The following MTREX variants were observed in gnomAD, a reference collection of about 807,000 sequenced individuals.
MTREX encodes the protein Mtr4 exosome RNA helicase, also known as exosome RNA helicase MTR4.
Under a neutral mutation model 135.4 loss-of-function variants are expected in MTREX, and 76 were observed. That is an observed-to-expected ratio of 0.56 (90% CI 0.47 to 0.68). The LOEUF is 0.68. Ranked by LOEUF, MTREX falls within the 30% of genes least tolerant of loss-of-function variation. The pLI is 0.00. For missense variants in MTREX, 920 were observed against 1,262.1 expected (o/e 0.73, Z 4.11); for synonymous variants, 404 against 401.6 (o/e 1.01, Z -0.07).
At position 55,328,718 on chromosome 5, in the gene MTREX, A is replaced by T; in HGVS notation, c.422A>T (p.Asp141Val). The change falls in exon 5 of 27, where the codon GAT becomes GTT. Residue 141 changes from aspartate (D) to valine (V), a missense_variant. This residue lies in a region of MTREX where 82 missense variants were observed against 107.4 expected (regional missense o/e 0.76). Transcript: ENST00000230640. ...KAAKEYPFILDAFQREAIQCV... is the reference protein window; with the variant it reads ...KAAKEYPFILVAFQREAIQCV... ...TTATAGGAATACCCGTTCATTCTTG[A>T]TGCTTTTCAAAGAGAGGCCATTCAG... 6.2e-7 allele frequency: 1 copy of T among 1,611,916 alleles called. No individual in the cohort carries two copies. Among genetic ancestry groups the T allele is most frequent in the Non-Finnish European group, 8.5e-7 (1 of 1,178,210 alleles).
chr5:55,325,182 G>A (rs1048085113), intron 3 of MTREX, among the ~76,000 whole-genome samples: 1 of 151,446 alleles, frequency 6.6e-6, no homozygotes, highest in African/African-American at 2.4e-5. Flanking sequence ...AATAAGCAGA[G>A]TAATCCAAAT....
At chr5:55,351,115 T>C (rs1579863728) in intron 13 of MTREX, 86 bp downstream of exon 13, 2 of 1,392,198 alleles carry the variant, frequency 1.4e-6, no homozygotes, top group Non-Finnish European at 1.9e-6. Context: ...ATAGGCAATA[T>C]GTGTGTTTTT....
At chr5:55,311,303 A>C (rs1458984443) in intron 1 of MTREX, among the ~76,000 whole-genome samples, 2 of 152,094 alleles carry the variant, frequency 1.3e-5, no homozygotes, top group Non-Finnish European at 2.9e-5. Context: ...TAATTCCTTA[A>C]TATCGTTAAA....
intron 19 of MTREX, among the ~76,000 whole-genome samples, chr5:55,395,729 G>T (rs1561207531): frequency 6.6e-6 from 1 of 152,118 alleles, no homozygotes. Flanking sequence ...ACCAAAAATG[G>T]ATAATCTGAA....
chr5:55,410,743 A>G (rs532271638), intron 23 of MTREX, 114 bp downstream of exon 23: 68 of 504,132 alleles, frequency 1.3e-4, no homozygotes, highest in African/African-American at 1.1e-3. Flanking sequence ...AGGTAATGTT[A>G]ATTGGAAATC....
intron 18 of MTREX, among the ~76,000 whole-genome samples, chr5:55,380,506 T>C (rs911817437): frequency 6.6e-6 from 1 of 152,248 alleles, no homozygotes; most frequent in Non-Finnish European, 1.5e-5. Flanking sequence ...CAAATATTTC[T>C]TATGTGCCTA....
chr5:55,372,229 G>A (rs999800286), intron 16 of MTREX, among the ~76,000 whole-genome samples: 38 of 152,082 alleles, frequency 2.5e-4, no homozygotes, highest in Middle Eastern at 3.4e-3. Context: ...AATGTTTACT[G>A]CCATAATGCG....
intron 18 of MTREX, among the ~76,000 whole-genome samples, chr5:55,380,277 C>A (rs558807195): frequency 6.6e-6 from 1 of 152,238 alleles, no homozygotes; most frequent in Non-Finnish European, 1.5e-5. Context: ...AGATGATACA[C>A]ACTCTACAAT....
At chr5:55,417,012 C>T (rs1416065701) in intron 25 of MTREX, among the ~76,000 whole-genome samples, 1 of 152,094 alleles carries the variant, frequency 6.6e-6, no homozygotes, top group Non-Finnish European at 1.5e-5. Flanking sequence ...GGTTAAACTT[C>T]TCTGCAACAG....
Position 55,425,177 on chromosome 5 carries a change from C to A in MTREX, c.*405C>A. 6.3e-7 allele frequency: 1 copy of A among 1,596,622 alleles called. No individual in the cohort carries two copies. Among genetic ancestry groups the A allele is most frequent in the South Asian group, 1.1e-5 (1 of 88,504 alleles). ...CAATCATTTTCCTTTAGAAAACAGG[C>A]CAGCTTCACCTGGGCACCCTGCTGC... On this transcript the variant is annotated 3_prime_UTR_variant, in exon 27 of 27. Transcript: ENST00000230640.
chr5:55,376,774 C>T (rs1750307677), intron 16 of MTREX, among the ~76,000 whole-genome samples: 1 of 152,088 alleles, frequency 6.6e-6, no homozygotes, highest in Admixed American at 6.5e-5. Context: ...TATTTAAAAA[C>T]TATAGATTTT....
chr5:55,422,849 T>C (rs937608685), intron 25 of MTREX, 29 bp from the exon 26 acceptor site: 4 of 1,571,716 alleles, frequency 2.5e-6, no homozygotes, highest in Non-Finnish European at 3.5e-6. Flanking sequence ...ATTTCCATTT[T>C]ACCAGTGTTT....
chr5:55,322,465 G>A lies in MTREX; in HGVS notation c.272+1G>A. ...AAGAGTCAATAACTGAAGACTTAAG[G>A]TAATATTTCCAAAGTCCTAAATGTT... On this transcript the variant is annotated splice_donor_variant, in intron 2 of 26. Coordinates refer to ENST00000230640, the MANE Select transcript of MTREX (RefSeq NM_015360.5). LOFTEE classifies it high-confidence loss of function. 1 of 1,569,752 alleles carries A rather than the reference G, an allele frequency of 6.4e-7. No homozygotes were observed. The highest frequency in any genetic ancestry group is 8.6e-7 in the Non-Finnish European group (1 of 1,163,414).
Position 55,397,422 on chromosome 5 carries a change from C to G in MTREX, c.2188C>G (p.Pro730Ala). ...TATAACTTTTTGGTCATAGGTTGTC[C>G]CAGTTTTGGTGCATCTCCTGTCTGC... is the stretch of plus-strand genomic sequence containing the variant. ...PDEKGEMQVV[P>A]VLVHLLSAIS... Residue 730 changes from proline (P) to alanine (A), a missense_variant, in exon 20 of 27, where the codon CCA becomes GCA. Coordinates refer to ENST00000230640, the MANE Select transcript of MTREX (RefSeq NM_015360.5). The G allele has an allele frequency of 2.5e-6, 4 of 1,604,716 alleles. No individual in the cohort carries two copies. Among genetic ancestry groups the G allele is most frequent in the East Asian group, 2.2e-5 (1 of 44,692 alleles).
intron 8 of MTREX, 105 bp downstream of exon 8, chr5:55,343,560 A>G: frequency 1.0e-6 from 1 of 986,228 alleles, no homozygotes; most frequent in Non-Finnish European, 1.5e-6. Context: ...AGAATAATAA[A>G]AAAAACATTT....
intron 1 of MTREX, among the ~76,000 whole-genome samples, chr5:55,319,100 T>G (rs902683123): frequency 6.6e-6 from 1 of 152,188 alleles, no homozygotes; most frequent in African/African-American, 2.4e-5. Context: ...CTGAACTGTT[T>G]AGAGTAAGTT....
At chr5:55,419,118 T>C (rs761050159) in intron 25 of MTREX, among the ~76,000 whole-genome samples, 1 of 152,198 alleles carries the variant, frequency 6.6e-6, no homozygotes, top group Admixed American at 6.5e-5. Flanking sequence ...GTGTTGAGAT[T>C]ACAGGCATGA....
chr5:55,334,760 A>G (rs1749528939), intron 5 of MTREX, among the ~76,000 whole-genome samples: 2 of 152,088 alleles, frequency 1.3e-5, no homozygotes, highest in Non-Finnish European at 2.9e-5. Context: ...AGCCACAGGC[A>G]AACACTGATC....
chr5:55,409,895 C>G (rs531536406), intron 22 of MTREX, among the ~76,000 whole-genome samples: 1 of 152,192 alleles, frequency 6.6e-6, no homozygotes, highest in African/African-American at 2.4e-5. Flanking sequence ...TATACACTTT[C>G]AGCCTTTGGA....
Sources: allele counts gnomAD v4.1 joint callset (sites outside exome capture counted in the v4.1 genomes callset), GRCh38; gene constraint gnomAD v4.1.1; regional missense constraint gnomAD v4.1.1; transcripts MANE v1.5; gene names NCBI Gene and HGNC (gene_info 2026-07-23, HGNC 2026-07-21).